The following GALNTL6 variants were observed in gnomAD, a reference collection of about 807,000 sequenced individuals.
The protein encoded by GALNTL6 is polypeptide N-acetylgalactosaminyltransferase like 6, also known as polypeptide N-acetylgalactosaminyltransferase-like 6.
In GALNTL6, 46 loss-of-function variants were observed where a neutral mutation model predicts 73.7. The observed-to-expected ratio is 0.62, with a 90% CI of 0.49 to 0.80. The LOEUF is 0.80. Ranked by LOEUF, GALNTL6 falls within the 30% of genes least tolerant of loss-of-function variation. GALNTL6 has a pLI of 0.00. For missense variants in GALNTL6, 604 were observed against 755.0 expected, an observed-to-expected ratio of 0.80 and a Z score of 2.34; for synonymous variants, 259 against 263.7, an observed-to-expected ratio of 0.98 and a Z score of 0.17.
chr4:172,082,540 G>C (rs1731910133), intron 2 of GALNTL6, among the ~76,000 whole-genome samples: 1 of 152,268 alleles, frequency 6.6e-6, no homozygotes, highest in South Asian at 2.1e-4. Flanking sequence ...CTGTATAGGG[G>C]AGAATGTACC....
At chr4:172,602,776 A>G (rs2111028009) in intron 5 of GALNTL6, among the ~76,000 whole-genome samples, 1 of 152,316 alleles carries the variant, frequency 6.6e-6, no homozygotes, top group South Asian at 2.1e-4. Context: ...AAATGCTTAT[A>G]CATTAATGTT....
At chr4:172,237,498 A>G (rs1737281003) in intron 3 of GALNTL6, among the ~76,000 whole-genome samples, 1 of 152,166 alleles carries the variant, frequency 6.6e-6, no homozygotes, top group Non-Finnish European at 1.5e-5. Context: ...GATCTTTGTC[A>G]GATGCATAGT....
chr4:172,524,813 C>T (rs754171884), intron 5 of GALNTL6, among the ~76,000 whole-genome samples: 6 of 152,108 alleles, frequency 3.9e-5, no homozygotes, highest in Non-Finnish European at 7.4e-5. Flanking sequence ...CTACCTTTTC[C>T]TCTATGGTTA....
intron 5 of GALNTL6, among the ~76,000 whole-genome samples, chr4:172,395,564 G>A (rs1743818648): frequency 6.6e-6 from 1 of 151,980 alleles, no homozygotes; most frequent in South Asian, 2.1e-4. Context: ...ACGTTTAGAT[G>A]TTTTTCCTAA....
chr4:172,799,895 C>A (rs963039130), intron 5 of GALNTL6, among the ~76,000 whole-genome samples: 2 of 152,148 alleles, frequency 1.3e-5, no homozygotes, highest in African/African-American at 2.4e-5. Flanking sequence ...AATGGATAAA[C>A]AACACGTGGT....
intron 5 of GALNTL6, among the ~76,000 whole-genome samples, chr4:172,695,047 A>G (rs1441170146): frequency 6.6e-6 from 1 of 152,222 alleles, no homozygotes; most frequent in Admixed American, 6.5e-5. Flanking sequence ...AAATAATTCT[A>G]TGTACCTCAA....
chr4:172,055,259 T>A (rs2110867486), intron 2 of GALNTL6, among the ~76,000 whole-genome samples: 1 of 152,250 alleles, frequency 6.6e-6, no homozygotes, highest in Non-Finnish European at 1.5e-5. Context: ...AGGCAGAAAG[T>A]AAACCACAAG....
At chr4:171,825,265 A>G (rs556065186) in intron 2 of GALNTL6, among the ~76,000 whole-genome samples, 1 of 152,290 alleles carries the variant, frequency 6.6e-6, no homozygotes, top group South Asian at 2.1e-4. Context: ...GCTGGAGACC[A>G]TAGTTGAGTA....
intron 5 of GALNTL6, among the ~76,000 whole-genome samples, chr4:172,620,574 A>G (rs188353941): frequency 1.3e-5 from 2 of 152,208 alleles, no homozygotes; most frequent in Non-Finnish European, 2.9e-5. Flanking sequence ...AGACAGAATT[A>G]TATCAATGAC....
intron 2 of GALNTL6, among the ~76,000 whole-genome samples, chr4:171,924,885 A>G (rs186858273): frequency 2.6e-5 from 4 of 152,266 alleles, no homozygotes; most frequent in Admixed American, 2.6e-4. Flanking sequence ...AGACGATTAC[A>G]CAAAAGAATG....
intron 5 of GALNTL6, among the ~76,000 whole-genome samples, chr4:172,679,572 A>T (rs1257890819): frequency 6.6e-6 from 1 of 152,110 alleles, no homozygotes; most frequent in Non-Finnish European, 1.5e-5. Flanking sequence ...TTTTCTCTAT[A>T]CACTATCTCT....
chr4:172,731,180 G>A (rs767261760), intron 5 of GALNTL6, among the ~76,000 whole-genome samples: 1 of 151,980 alleles, frequency 6.6e-6, no homozygotes, highest in Non-Finnish European at 1.5e-5. Context: ...CAGATTCTGG[G>A]CTTTTATTTG....
intron 7 of GALNTL6, among the ~76,000 whole-genome samples, chr4:172,835,868 T>C (rs1334197709): frequency 6.6e-6 from 1 of 152,200 alleles, no homozygotes; most frequent in African/African-American, 2.4e-5. Flanking sequence ...TTGAACATTT[T>C]CCCACAGGAC....
chr4:171,994,030 T>G (rs974715637), intron 2 of GALNTL6, among the ~76,000 whole-genome samples: 1 of 152,114 alleles, frequency 6.6e-6, no homozygotes, highest in Non-Finnish European at 1.5e-5. Flanking sequence ...AAGAAGTGTC[T>G]TCATCCCTTT....
intron 2 of GALNTL6, among the ~76,000 whole-genome samples, chr4:172,226,029 T>A (rs1420643145): frequency 6.6e-6 from 1 of 152,164 alleles, no homozygotes; most frequent in Non-Finnish European, 1.5e-5. Context: ...AGAATTTTTA[T>A]TTGGGATTTA....
chr4:172,433,801 T>C (rs893517584), intron 5 of GALNTL6, among the ~76,000 whole-genome samples: 1 of 152,088 alleles, frequency 6.6e-6, no homozygotes, highest in Admixed American at 6.6e-5. Flanking sequence ...TATTACTTTC[T>C]CTTACTCAGG....
chr4:172,733,795 G>A (rs146318310), intron 5 of GALNTL6, among the ~76,000 whole-genome samples: 1 of 152,284 alleles, frequency 6.6e-6, no homozygotes, highest in Non-Finnish European at 1.5e-5. Context: ...AAATTACCCA[G>A]TCCCAGGTAT....
intron 2 of GALNTL6, among the ~76,000 whole-genome samples, chr4:172,007,239 T>G (rs978729313): frequency 2.1e-4 from 32 of 152,114 alleles, no homozygotes; most frequent in African/African-American, 7.7e-4. Flanking sequence ...ATAATATTCA[T>G]GTAGACTATA....
intron 3 of GALNTL6, among the ~76,000 whole-genome samples, chr4:172,284,869 A>T (rs903541596): frequency 1.3e-5 from 2 of 152,120 alleles, no homozygotes; most frequent in African/African-American, 4.8e-5. Context: ...TGCCAGTACC[A>T]CACAATATGA....
Sources: allele counts gnomAD v4.1 joint callset (sites outside exome capture counted in the v4.1 genomes callset), GRCh38; gene constraint gnomAD v4.1.1; transcripts MANE v1.5; gene names NCBI Gene and HGNC (gene_info 2026-07-23, HGNC 2026-07-21).